The following PTPRG variants were observed in gnomAD, a reference collection of about 807,000 sequenced individuals.
PTPRG encodes the protein protein tyrosine phosphatase receptor type G.
Under a neutral mutation model 165.3 loss-of-function variants are expected in PTPRG, and 102 were observed. That is an observed-to-expected ratio of 0.62 (90% CI 0.53 to 0.73). The LOEUF (loss-of-function observed/expected upper bound fraction) is 0.73. PTPRG is among the 30% of genes least tolerant of loss of function. The pLI is 0.00. For synonymous variants in PTPRG, 675 were observed against 669.5 expected (o/e 1.01, Z -0.13); for missense variants, 1,866 against 1,861.4 (o/e 1.00, Z -0.05).
chr3:62,133,577 G>T (rs1464019008), intron 6 of PTPRG, among the ~76,000 whole-genome samples: 1 of 152,134 alleles, frequency 6.6e-6, no homozygotes, highest in Non-Finnish European at 1.5e-5. Flanking sequence ...GTAGGATTTT[G>T]GATTAATTGT....
At chr3:62,080,062 AT>A (rs759641101) in intron 5 of PTPRG, among the ~76,000 whole-genome samples, 110 of 128,864 alleles carry the variant, frequency 8.5e-4, no homozygotes, top group South Asian at 5.4e-3. Context: ...CCTTCGGTTC[AT>A]TTTTTTTTTT....
At chr3:61,779,882 A>G (rs576545339) in intron 2 of PTPRG, among the ~76,000 whole-genome samples, 2 of 152,190 alleles carry the variant, frequency 1.3e-5, no homozygotes, top group South Asian at 4.2e-4. Context: ...GGGCTGGGGG[A>G]ATCCATGTCC....
intron 4 of PTPRG, among the ~76,000 whole-genome samples, chr3:62,004,751 G>A (rs1477519556): frequency 1.3e-5 from 2 of 152,200 alleles, no homozygotes; most frequent in African/African-American, 4.8e-5. Flanking sequence ...CAAACATGGA[G>A]TGACTTTTCA....
chr3:61,783,081 C>T (rs1311144426), intron 2 of PTPRG, among the ~76,000 whole-genome samples: 1 of 152,204 alleles, frequency 6.6e-6, no homozygotes, highest in African/African-American at 2.4e-5. Flanking sequence ...ACTGGGATTA[C>T]AGGCATGAGC....
At chr3:62,260,276 C>A (rs1411816656) in intron 16 of PTPRG, among the ~76,000 whole-genome samples, 1 of 152,138 alleles carries the variant, frequency 6.6e-6, no homozygotes, top group Non-Finnish European at 1.5e-5. Context: ...TTCTCAGCTA[C>A]CTTTTTGGAA....
intron 2 of PTPRG, among the ~76,000 whole-genome samples, chr3:61,856,735 T>C (rs2107385134): frequency 6.6e-6 from 1 of 152,346 alleles, no homozygotes. Context: ...GTGTAATATT[T>C]CATAAGGTGG....
At chr3:61,964,323 G>A (rs1405112390) in intron 2 of PTPRG, among the ~76,000 whole-genome samples, 1 of 152,210 alleles carries the variant, frequency 6.6e-6, no homozygotes, top group Admixed American at 6.5e-5. Context: ...CTTCACTGAA[G>A]TATAAAGTGT....
At chr3:61,678,919 C>T (rs1010324387) in intron 1 of PTPRG, among the ~76,000 whole-genome samples, 2 of 152,084 alleles carry the variant, frequency 1.3e-5, no homozygotes, top group African/African-American at 2.4e-5. Flanking sequence ...ATTAGTATCT[C>T]TGTATTATGT....
At chr3:61,661,050 CT>C (rs200594363) in intron 1 of PTPRG, among the ~76,000 whole-genome samples, 1,563 of 152,090 alleles carry the variant, frequency 0.01, 17 homozygotes, top group Non-Finnish European at 0.017. Context: ...GGTTTGGACA[CT>C]TTTTCCCCCC....
intron 15 of PTPRG, among the ~76,000 whole-genome samples, chr3:62,251,485 T>C (rs1701417392): frequency 2.0e-5 from 3 of 152,074 alleles, no homozygotes; most frequent in African/African-American, 7.2e-5. Flanking sequence ...TCCATCTCTT[T>C]AAATTAGCCA....
chr3:61,671,713 C>T (rs1359401234), intron 1 of PTPRG, among the ~76,000 whole-genome samples: 18 of 143,648 alleles, frequency 1.3e-4, no homozygotes, highest in African/African-American at 4.6e-4. Flanking sequence ...CCAGTAGGGG[C>T]GGCCGGGCAG....
At chr3:62,136,929 T>G (rs560583236) in intron 6 of PTPRG, among the ~76,000 whole-genome samples, 2 of 152,220 alleles carry the variant, frequency 1.3e-5, no homozygotes, top group Non-Finnish European at 2.9e-5. Flanking sequence ...CTATTGCTTT[T>G]CTAGGGAGAG....
chr3:61,585,127 A>T (rs1700402379), intron 1 of PTPRG, among the ~76,000 whole-genome samples: 1 of 151,810 alleles, frequency 6.6e-6, no homozygotes, highest in African/African-American at 2.4e-5. Context: ...TTAAAAATAC[A>T]AAAATTAGCC....
intron 4 of PTPRG, among the ~76,000 whole-genome samples, chr3:62,052,436 T>C (rs1700496370): frequency 6.6e-6 from 1 of 152,242 alleles, no homozygotes; most frequent in African/African-American, 2.4e-5. Flanking sequence ...GGCTGATGCC[T>C]GTAATCCCAG....
chr3:62,099,817 G>C (rs1422186931), intron 5 of PTPRG, among the ~76,000 whole-genome samples: 2 of 33,236 alleles, frequency 6.0e-5, no homozygotes, highest in Non-Finnish European at 1.3e-4. Context: ...TTTTTTTTTT[G>C]AGGCAGAGTC....
chr3:61,599,898 C>T (rs1019520220), intron 1 of PTPRG, among the ~76,000 whole-genome samples: 1 of 152,086 alleles, frequency 6.6e-6, no homozygotes, highest in Non-Finnish European at 1.5e-5. Flanking sequence ...GTGGCCCACG[C>T]CTGTAATCTC....
At chr3:61,610,786 T>C (rs28411140) in intron 1 of PTPRG, among the ~76,000 whole-genome samples, 2,620 of 40,162 alleles carry the variant, frequency 0.065, 142 homozygotes, top group African/African-American at 0.18. Context: ...TCCCTCCCTC[T>C]CTCTCTCCAT....
At chr3:62,124,497 T>G (rs1230729463) in intron 5 of PTPRG, 6 of 1,598,814 alleles carry the variant, frequency 3.8e-6, no homozygotes, top group Non-Finnish European at 5.1e-6. Flanking sequence ...TCATTCATGT[T>G]TTACAGCAGG....
intron 5 of PTPRG, among the ~76,000 whole-genome samples, chr3:62,115,011 T>G (rs1377590990): frequency 6.6e-6 from 1 of 152,222 alleles, no homozygotes; most frequent in Non-Finnish European, 1.5e-5. Flanking sequence ...TACTATTTAC[T>G]GACACTGTTT....
Sources: allele counts gnomAD v4.1 joint callset (sites outside exome capture counted in the v4.1 genomes callset), GRCh38; gene constraint gnomAD v4.1.1; transcripts MANE v1.5; gene names NCBI Gene and HGNC (gene_info 2026-07-23, HGNC 2026-07-21).